Variants in RHBDF1 observed in about 807,000 individuals in gnomAD.
RHBDF1 encodes the protein rhomboid 5 homolog 1.
RHBDF1 carries 80 observed loss-of-function variants against 98.6 expected under a neutral mutation model. The ratio of observed to expected loss-of-function variants is 0.81; its 90% CI spans 0.68 to 0.98. RHBDF1 has a LOEUF of 0.98. RHBDF1 is among the 50% of genes least tolerant of loss of function. The probability of loss-of-function intolerance (pLI) is 0.00; values close to 1 mark genes in which losing one functional copy is unlikely to be tolerated. For synonymous variants in RHBDF1, 512 were observed against 486.8 expected (o/e 1.05, Z -0.68); for missense variants, 1,116 against 1,198.3 (o/e 0.93, Z 1.01).
intron 1 of RHBDF1, among the ~76,000 whole-genome samples, chr16:69,092 T>TG (rs1227949258): frequency 6.6e-6 from 1 of 152,092 alleles, no homozygotes; most frequent in Non-Finnish European, 1.5e-5. Flanking sequence ...GGGCAGGAGC[T>TG]GGGGGGTGAA....
chr16:73,437 C>T (rs1898028856), upstream of RHBDF1, among the ~76,000 whole-genome samples: 2 of 152,260 alleles, frequency 1.3e-5, no homozygotes, highest in Admixed American at 6.5e-5. Context: ...CAGAGCTCAG[C>T]GGCCACCCCG....
intron 11 of RHBDF1, 106 bp downstream of exon 11, chr16:61,014 G>C (rs1390406117): frequency 7.9e-7 from 1 of 1,269,724 alleles, no homozygotes; most frequent in Non-Finnish European, 1.1e-6. Flanking sequence ...AGGACGGCGG[G>C]ATGTGCCAGG....
chr16:61,250 GA>G lies in RHBDF1; in HGVS notation c.1426del (p.Ser476ArgfsTer51). On this transcript the variant is annotated frameshift_variant, in exon 11 of 18. Transcript: ENST00000262316. LOFTEE classifies it high-confidence loss of function. ...EALIHLGAKF[S>X]PCMRQDPQVH... ...CTGCGGGTCCTGGCGCATGCAGGGCGAAAACTTGGCGCCCAGGTGGATGAGG... is the reference window on the plus strand; with the variant it reads ...CTGCGGGTCCTGGCGCATGCAGGGCGAAACTTGGCGCCCAGGTGGATGAGG... 1.3e-6 allele frequency: 2 copies of G among 1,545,146 alleles called. No individual in the cohort carries two copies. Among genetic ancestry groups the G allele is most frequent in the Non-Finnish European group, 1.7e-6 (2 of 1,144,266 alleles).
intron 7 of RHBDF1, 102 bp from the exon 8 acceptor site, chr16:62,154 C>CTGCG: frequency 1.4e-6 from 2 of 1,386,148 alleles, no homozygotes; most frequent in South Asian, 1.5e-5. Context: ...GGCGAATATA[C>CTGCG]TGCGCAAGTC....
At chr16:72,181 C>G (rs1368409523) in intron 1 of RHBDF1, among the ~76,000 whole-genome samples, 3 of 152,238 alleles carry the variant, frequency 2.0e-5, no homozygotes, top group Non-Finnish European at 2.9e-5. Context: ...GGACCCTCAG[C>G]TGTTGGGCGG....
chr16:61,171 G>A lies in RHBDF1; in HGVS notation c.1506C>T (p.Cys502=). Residue 502 remains cysteine (C), a synonymous_variant, in exon 11 of 18, where the codon TGC becomes TGT. Transcript: ENST00000262316. ...AREREKHSAC[C]VRNDRSGCVQ... is the part of the protein sequence containing the mutation. Reference sequence around the variant, plus strand: ...CGCAGCCCGACCTGTCGTTGCGCACGCAGCAGGCGGAGTGCTTCTCGCGCT... The same window carrying A: ...CGCAGCCCGACCTGTCGTTGCGCACACAGCAGGCGGAGTGCTTCTCGCGCT... The A allele has an allele frequency of 1.9e-6, 3 of 1,540,316 alleles. No individual in the cohort carries two copies. Among genetic ancestry groups the A allele is most frequent in the Non-Finnish European group, 2.6e-6 (3 of 1,145,094 alleles).
intron 1 of RHBDF1, among the ~76,000 whole-genome samples, chr16:68,763 C>T (rs1197331410): frequency 2.0e-5 from 3 of 152,206 alleles, no homozygotes; most frequent in Non-Finnish European, 4.4e-5. Context: ...GCCTGCAGAG[C>T]CTGGTGTGGA....
Position 62,647 on chromosome 16 carries a change from C to T in RHBDF1, c.844G>A (p.Glu282Lys). Residue 282 changes from glutamate to lysine, a missense_variant, in exon 7 of 18, where the codon GAG becomes AAG. Transcript: ENST00000262316. ...ELSTYPDEVF[E>K]SPSEAALKDW... Reference sequence around the variant, plus strand: ...TTTAGCGCTGCCTCCGATGGGGACTCGAAAACTTCATCCGGGTATGTGGAC... The same window carrying T: ...TTTAGCGCTGCCTCCGATGGGGACTTGAAAACTTCATCCGGGTATGTGGAC... 1.9e-6 allele frequency: 3 copies of T among 1,614,114 alleles called. No homozygotes were observed. Among genetic ancestry groups the T allele is most frequent in the Non-Finnish European group, 2.5e-6 (3 of 1,180,036 alleles).
chr16:61,949 C>T lies in RHBDF1; in HGVS notation c.1057G>A (p.Gly353Ser). ...EVVSTAGPRR[G>S]QRIAVPVRKL... ...CGCACCGGCACCGCGATACGCTGGC[C>T]CCGTCGCGGCCCCGCGGTGCTCACC... Residue 353 changes from glycine (G) to serine (S), a missense_variant, in exon 8 of 18, where the codon GGC becomes AGC. Coordinates refer to ENST00000262316, the MANE Select transcript of RHBDF1 (RefSeq NM_022450.5). 2.5e-6 allele frequency: 4 copies of T among 1,596,104 alleles called. No homozygotes were observed. The highest frequency in any genetic ancestry group is 3.4e-6 in the Non-Finnish European group (4 of 1,178,404).
At chr16:71,883 G>C (rs545134998) in intron 1 of RHBDF1, among the ~76,000 whole-genome samples, 4 of 152,258 alleles carry the variant, frequency 2.6e-5, no homozygotes, top group South Asian at 2.1e-4. Flanking sequence ...TCTGCGCACA[G>C]AGTGAGAGTC....
intron 3 of RHBDF1, chr16:64,196 G>C (rs1897756173): frequency 8.0e-7 from 1 of 1,246,196 alleles, no homozygotes; most frequent in African/African-American, 1.5e-5. Flanking sequence ...ACAGCACTTG[G>C]ACATGCAAAC....
In RHBDF1 at chr16:64,379, G is replaced by T. The variant is rs552457040; in HGVS notation, c.248+320C>A. The T allele has an allele frequency of 6.5e-6, 9 of 1,384,564 alleles. No individual in the cohort carries two copies. The South Asian group carries it at 9.8e-5, about 15-fold the overall frequency. 85.8% of individuals were successfully genotyped at this position (1,384,564 alleles called of 1,614,324 possible). A position where few individuals can be genotyped will look rare whatever the true frequency, so the allele number is the denominator to read the frequency against. On this transcript the variant is annotated intron_variant, in intron 3 of 17. Transcript: ENST00000262316. ...GACTGGCGCTGTGGGAAGGCCCTGC[G>T]GGCAGCCCGGGGACCCAAGAGGGGC...
At chr16:72,932 A>G (rs527689190), upstream of RHBDF1, among the ~76,000 whole-genome samples, 31 of 152,256 alleles carry the variant, frequency 2.0e-4, 1 homozygote, top group South Asian at 5.4e-3. Context: ...TGTGCTGAGA[A>G]GAGGGTGAGG....
At chr16:59,668 G>A in intron 14 of RHBDF1, 64 bp downstream of exon 14, 3 of 1,580,352 alleles carry the variant, frequency 1.9e-6, no homozygotes, top group Non-Finnish European at 2.6e-6. Context: ...TTAGGGAGAA[G>A]GCACACCCTA....
chr16:63,469 G>T, intron 4 of RHBDF1, 118 bp downstream of exon 4: 1 of 899,180 alleles, frequency 1.1e-6, no homozygotes, highest in Non-Finnish European at 1.7e-6. Context: ...CTGTCTGACT[G>T]CCCTTCCAGA....
chr16:75,211 TC>T (rs1253939778), upstream of RHBDF1, among the ~76,000 whole-genome samples: 5 of 152,112 alleles, frequency 3.3e-5, no homozygotes, highest in South Asian at 4.1e-4. Flanking sequence ...TGCCCAGCAC[TC>T]CCGGGGCTGG....
chr16:73,846 C>T, upstream of RHBDF1: 2 of 774,204 alleles, frequency 2.6e-6, no homozygotes, highest in East Asian at 1.3e-4. Flanking sequence ...GAGGGCCCGA[C>T]GCAGACAATG....
intron 1 of RHBDF1, among the ~76,000 whole-genome samples, chr16:65,567 G>C (rs571045455): frequency 1.3e-5 from 2 of 152,228 alleles, no homozygotes; most frequent in South Asian, 4.1e-4. Context: ...GGGGACAGCC[G>C]ATCTGAGGTC....
intron 1 of RHBDF1, among the ~76,000 whole-genome samples, chr16:70,605 T>C (rs1461392339): frequency 2.6e-5 from 4 of 152,246 alleles, no homozygotes; most frequent in Non-Finnish European, 5.9e-5. Context: ...CACACTGGTC[T>C]GTCTAACCCC....
Sources: gnomAD v4.1 joint callset for allele counts (sites outside exome capture counted in the v4.1 genomes callset) on GRCh38, gnomAD v4.1.1 for gene constraint, MANE v1.5 for transcripts, NCBI Gene and HGNC (gene_info 2026-07-23, HGNC 2026-07-21) for gene names.